The following PIK3C2G variants were observed in gnomAD, a reference collection of about 807,000 sequenced individuals.
The protein encoded by PIK3C2G is phosphatidylinositol-4-phosphate 3-kinase catalytic subunit type 2 gamma.
Under a neutral mutation model 181.1 loss-of-function variants are expected in PIK3C2G, and 168 were observed. The observed-to-expected ratio is 0.93, with a 90% confidence interval of 0.82 to 1.05. The LOEUF (loss-of-function observed/expected upper bound fraction) is 1.05. Among genes scored for constraint, PIK3C2G ranks in the 50% least tolerant of loss-of-function variants. PIK3C2G has a pLI of 0.00. For synonymous variants in PIK3C2G, 573 were observed against 592.2 expected (o/e 0.97, Z 0.47); for missense variants, 1,869 against 1,732.8 (o/e 1.08, Z -1.40).
downstream of PIK3C2G, chr12:18,648,432 G>C (rs144019768): frequency 2.9e-4 from 59 of 205,346 alleles, no homozygotes; most frequent in East Asian, 4.1e-3. Context: ...AGGTATATCT[G>C]TAATCAATTT....
intron 18 of PIK3C2G, among the ~76,000 whole-genome samples, chr12:18,486,536 C>A (rs1240537656): frequency 3.3e-5 from 5 of 151,890 alleles, no homozygotes; most frequent in African/African-American, 4.8e-5. Context: ...TATATTATTT[C>A]TTTAATTATT....
In PIK3C2G at chr12:18,333,265, G is replaced by A. The variant is rs916629078; in HGVS notation, c.1273-5161G>A. On this transcript the variant is annotated intron_variant, in intron 8 of 32. Transcript: ENST00000538779. ...GATTTTTCATTGTTGCAGAGAGATC[G>A]ATGTTCTATATTTTCATTTGTTTGT... Among the ~76,000 whole-genome samples, 5 of 152,020 alleles carry A rather than the reference G, an allele frequency of 3.3e-5. No homozygotes were observed. In the East Asian group the frequency reaches 5.8e-4, roughly 18 times the overall value.
intron 5 of PIK3C2G, among the ~76,000 whole-genome samples, chr12:18,302,601 C>T (rs1339346287): frequency 6.6e-6 from 1 of 152,152 alleles, no homozygotes; most frequent in African/African-American, 2.4e-5. Flanking sequence ...GCAGGCAGAG[C>T]AGCTCAATCC....
chr12:18,646,023 GA>G (rs1950112241), intron 32 of PIK3C2G, among the ~76,000 whole-genome samples: 2 of 152,212 alleles, frequency 1.3e-5, no homozygotes, highest in South Asian at 4.1e-4. Context: ...TAGAGAAAAG[GA>G]AAAGGAGTTT....
chr12:18,273,364 T>C (rs1948827749), intron 1 of PIK3C2G, among the ~76,000 whole-genome samples: 1 of 152,150 alleles, frequency 6.6e-6, no homozygotes, highest in Non-Finnish European at 1.5e-5. Context: ...CATGCTGTTT[T>C]GGTTACTGTA....
At chr12:18,642,657 GT>G (rs757295070) in intron 32 of PIK3C2G, among the ~76,000 whole-genome samples, 5 of 152,008 alleles carry the variant, frequency 3.3e-5, no homozygotes, top group Non-Finnish European at 7.4e-5. Flanking sequence ...GTCCTACACG[GT>G]TTTTCTTCTA....
upstream of PIK3C2G, among the ~76,000 whole-genome samples, chr12:18,260,521 G>C (rs1948205178): frequency 6.6e-6 from 1 of 151,880 alleles, no homozygotes. Flanking sequence ...GGGGTACAAG[G>C]GTCAGGGGAT....
intron 8 of PIK3C2G, 59 bp from the exon 9 acceptor site, chr12:18,338,367 A>G: frequency 1.5e-6 from 2 of 1,307,898 alleles, no homozygotes; most frequent in East Asian, 4.8e-5. Context: ...TTTGAGGATA[A>G]ATTAATGTCC....
chr12:18,440,150 G>A (rs1946662102), intron 18 of PIK3C2G, among the ~76,000 whole-genome samples: 1 of 152,042 alleles, frequency 6.6e-6, no homozygotes, highest in Non-Finnish European at 1.5e-5. Context: ...AACTAATGCA[G>A]TATGGGGCCA....
chr12:18,573,335 G>C (rs1379248696), intron 29 of PIK3C2G, among the ~76,000 whole-genome samples: 1 of 152,150 alleles, frequency 6.6e-6, no homozygotes, highest in Non-Finnish European at 1.5e-5. Context: ...TTATTCCTCA[G>C]ATACAGCCAT....
In PIK3C2G at chr12:18,411,821, T is replaced by C. The variant is rs1039771617; in HGVS notation, c.2316-9120T>C. On this transcript the variant is annotated intron_variant, in intron 16 of 32. Transcript: ENST00000538779. The stretch of plus-strand genomic sequence containing the variant: ...TTTCAGTTTACTCAAAGTTGCTTTT[T>C]TAAAAGGTTGACATTTGTTACATCG... Among the ~76,000 whole-genome samples the C allele has an allele frequency of 1.7e-4, 26 of 152,322 alleles. No homozygotes were observed. The East Asian group carries it at 5.0e-3, about 29-fold the overall frequency.
chr12:18,496,247 C>G, intron 21 of PIK3C2G, 93 bp downstream of exon 21: 1 of 742,520 alleles, frequency 1.3e-6, no homozygotes, highest in Non-Finnish European at 2.2e-6. Flanking sequence ...TATTTTCCTC[C>G]AGCAACAACA....
chr12:18,301,594 T>C (rs1950177360), intron 5 of PIK3C2G, among the ~76,000 whole-genome samples: 1 of 152,058 alleles, frequency 6.6e-6, no homozygotes, highest in Non-Finnish European at 1.5e-5. Context: ...TTTTTTACTC[T>C]CTTATTTAGA....
At chr12:18,550,775 C>A (rs1424179544) in intron 26 of PIK3C2G, among the ~76,000 whole-genome samples, 1 of 152,050 alleles carries the variant, frequency 6.6e-6, no homozygotes, top group Non-Finnish European at 1.5e-5. Flanking sequence ...TCTCCCTTCT[C>A]CACTAGGCTC....
intron 32 of PIK3C2G, among the ~76,000 whole-genome samples, chr12:18,646,942 G>A (rs1001710416): frequency 4.0e-5 from 6 of 151,754 alleles, no homozygotes; most frequent in African/African-American, 1.5e-4. Context: ...AGAACAAGAC[G>A]TGAAACTGTA....
At chr12:18,632,856 C>T (rs1949409178) in intron 31 of PIK3C2G, among the ~76,000 whole-genome samples, 1 of 152,192 alleles carries the variant, frequency 6.6e-6, no homozygotes, top group African/African-American at 2.4e-5. Flanking sequence ...GATTCAAATG[C>T]TGATCTCTTT....
At chr12:18,640,658 C>T in intron 32 of PIK3C2G, 104 bp downstream of exon 32, 1 of 1,022,562 alleles carries the variant, frequency 9.8e-7, no homozygotes, top group South Asian at 1.6e-5. Context: ...AGCATTATTT[C>T]ATAAAGGAAA....
intron 22 of PIK3C2G, among the ~76,000 whole-genome samples, chr12:18,500,505 A>G (rs889382133): frequency 6.6e-6 from 1 of 152,114 alleles, no homozygotes; most frequent in Non-Finnish European, 1.5e-5. Context: ...AGTCCCATCG[A>G]CCACCTAAGG....
Position 18,385,054 on chromosome 12 carries a change from G to C in PIK3C2G, c.1995+3174G>C, listed in dbSNP as rs58009249. Reference sequence around the variant, plus strand: ...AACCAAGTTCTGCATCCAGTGTTTCGTTAGGGAGTTAGTATGAGTCTCGGG... The same window carrying C: ...AACCAAGTTCTGCATCCAGTGTTTCCTTAGGGAGTTAGTATGAGTCTCGGG... On this transcript the variant is annotated intron_variant, in intron 14 of 32. Coordinates refer to ENST00000538779, the MANE Select transcript of PIK3C2G (RefSeq NM_001288772.2). Among the ~76,000 whole-genome samples, 397 of 152,148 alleles carry C rather than the reference G, an allele frequency of 2.6e-3. 2 individuals are homozygous for C. Among genetic ancestry groups the C allele is most frequent in the African/African-American group, 9.0e-3 (375 of 41,498 alleles).
Sources: gnomAD v4.1 joint callset for allele counts (sites outside exome capture counted in the v4.1 genomes callset) on GRCh38, gnomAD v4.1.1 for gene constraint, MANE v1.5 for transcripts, NCBI Gene and HGNC (gene_info 2026-07-23, HGNC 2026-07-21) for gene names.